Variants in GSAP observed in about 807,000 individuals in gnomAD.
GSAP encodes the protein gamma-secretase activating protein.
In GSAP, 118 loss-of-function variants were observed where a neutral mutation model predicts 131.7. The observed-to-expected ratio is 0.90, with a 90% CI of 0.77 to 1.04. GSAP has a LOEUF of 1.04. Among genes scored for constraint, GSAP ranks in the 50% least tolerant of loss-of-function variants. The probability of loss-of-function intolerance (pLI) is 0.00; values close to 1 mark genes in which losing one functional copy is unlikely to be tolerated. For synonymous variants in GSAP, 381 were observed against 363.4 expected, an observed-to-expected ratio of 1.05 and a Z score of -0.55; for missense variants, 1,019 against 1,013.2, an observed-to-expected ratio of 1.01 and a Z score of -0.08.
rs1489270412 is a variant in GSAP, at chr7:77,337,214, A to G, written c.1546-6847T>C. Among the ~76,000 whole-genome samples the G allele has an allele frequency of 3.0e-5, 4 of 134,160 alleles. No homozygotes were observed. The Admixed American group carries it at 3.6e-4, about 12-fold the overall frequency. 88.0% of individuals were successfully genotyped at this position (134,160 alleles called of 152,430 possible). On this transcript the variant is annotated intron_variant, in intron 19 of 30. Transcript: ENST00000257626. ...GTCGCCCAAGCTGGAGTGCAGTGGC[A>G]CTATCTTGGCTCACTACAACCTCCA...
At chr7:77,353,789 GA>G in intron 16 of GSAP, 148 bp from the exon 17 acceptor site, 1 of 534,164 alleles carries the variant, frequency 1.9e-6, no homozygotes, top group South Asian at 2.7e-5. Context: ...CTATCTTCAA[GA>G]TACATAATGC....
intron 19 of GSAP, among the ~76,000 whole-genome samples, chr7:77,343,558 C>T (rs1459698164): frequency 6.6e-6 from 1 of 152,198 alleles, no homozygotes; most frequent in Non-Finnish European, 1.5e-5. Context: ...ACTGCAAAGG[C>T]CATCAAAAGG....
chr7:77,329,702 G>A (rs912369432), intron 20 of GSAP: 10 of 187,392 alleles, frequency 5.3e-5, no homozygotes, highest in African/African-American at 2.3e-4. Flanking sequence ...CCTAACTAGA[G>A]CACAATATCA....
intron 6 of GSAP, among the ~76,000 whole-genome samples, chr7:77,383,567 A>ACC: frequency 6.6e-6 from 1 of 152,146 alleles, no homozygotes; most frequent in Middle Eastern, 3.4e-3. Flanking sequence ...GCTTAAATCC[A>ACC]CCCCATTCCT....
At chr7:77,341,799 G>A (rs1429336323) in intron 19 of GSAP, among the ~76,000 whole-genome samples, 1 of 152,182 alleles carries the variant, frequency 6.6e-6, no homozygotes, top group East Asian at 1.9e-4. Flanking sequence ...CCTTCAAGAT[G>A]TACAATAATA....
chr7:77,382,873 T>C (rs541574717), intron 6 of GSAP, among the ~76,000 whole-genome samples: 2 of 152,224 alleles, frequency 1.3e-5, no homozygotes, highest in Non-Finnish European at 2.9e-5. Flanking sequence ...AATACAACAC[T>C]ATCTTCACTT....
rs761555257 is a variant in GSAP, at chr7:77,382,645, T to C, written c.457-2A>G. ...ACTTTCAATATGTGGGTAGAGAAACTGTAAAAAAGAAATTAATCATAATTG... is the reference window on the plus strand; with the variant it reads ...ACTTTCAATATGTGGGTAGAGAAACCGTAAAAAAGAAATTAATCATAATTG... On this transcript the variant is annotated splice_acceptor_variant, in intron 6 of 30. Coordinates refer to ENST00000257626, the MANE Select transcript of GSAP (RefSeq NM_017439.4). LOFTEE classifies it high-confidence loss of function. The C allele has an allele frequency of 2.7e-6, 4 of 1,501,144 alleles. No homozygotes were observed. Among genetic ancestry groups the C allele is most frequent in the East Asian group, 2.3e-5 (1 of 44,400 alleles). The allele number at this position is 1,501,144 out of a possible 1,614,324, so 93.0% of individuals were successfully genotyped here. A position where few individuals can be genotyped will look rare whatever the true frequency, so the allele number is the denominator to read the frequency against.
chr7:77,356,881 G>C (rs906382262), intron 14 of GSAP, among the ~76,000 whole-genome samples: 7 of 152,314 alleles, frequency 4.6e-5, no homozygotes, highest in Middle Eastern at 3.4e-3. Context: ...AGAGGATATA[G>C]AACTCAAACC....
chr7:77,362,727 A>C, intron 12 of GSAP, 67 bp from the exon 13 acceptor site: 1 of 847,040 alleles, frequency 1.2e-6, no homozygotes, highest in Non-Finnish European at 2.0e-6. Context: ...TTCCTAAACC[A>C]CTTAAACTTA....
chr7:77,365,708 C>A lies in GSAP; in HGVS notation c.872-3048G>T, dbSNP rs559809382. The stretch of plus-strand genomic sequence containing the variant: ...GCAATTGACATTTGCATACGTATAT[C>A]TTTATGGTAGAATGATTTTTATTCC... On this transcript the variant is annotated intron_variant, in intron 12 of 30. Transcript: ENST00000257626. Among the ~76,000 whole-genome samples, 4 of 152,182 alleles carry A rather than the reference C, an allele frequency of 2.6e-5. No individual in the cohort carries two copies. In the East Asian group the frequency reaches 7.7e-4, roughly 29 times the overall value.
chr7:77,382,182 T>C (rs1797901858), intron 7 of GSAP, among the ~76,000 whole-genome samples: 2 of 152,136 alleles, frequency 1.3e-5, no homozygotes, highest in South Asian at 2.1e-4. Context: ...GGGATTCTTC[T>C]AGCTACTAAA....
intron 8 of GSAP, among the ~76,000 whole-genome samples, chr7:77,379,053 C>A (rs187168522): frequency 5.1e-4 from 77 of 152,200 alleles, no homozygotes; most frequent in African/African-American, 1.6e-3. Context: ...TATATTTAGA[C>A]AAGAGGAAAG....
chr7:77,312,188 C>G lies in GSAP; in HGVS notation c.2286G>C (p.Lys762Asn). ...TAGGATGATCCCAAAGTCTACAAATCTTCTGCCCAATAAGCTATTATGCAA... is the reference window on the plus strand; with the variant it reads ...TAGGATGATCCCAAAGTCTACAAATGTTCTGCCCAATAAGCTATTATGCAA... ...IVRLPPLIGQ[K>N]ICRLWDHPMS... The change falls in exon 29 of 31, where the codon AAG becomes AAC. Residue 762 changes from lysine to asparagine, a missense_variant. Physicochemically the swap from Lys to Asn is moderately conservative, Grantham distance 94. Coordinates refer to ENST00000257626, the MANE Select transcript of GSAP (RefSeq NM_017439.4). 6.3e-7 allele frequency: 1 copy of G among 1,592,564 alleles called. No homozygotes were observed. Among genetic ancestry groups the G allele is most frequent in the Non-Finnish European group, 8.5e-7 (1 of 1,170,654 alleles).
intron 3 of GSAP, among the ~76,000 whole-genome samples, chr7:77,403,403 T>C (rs536200228): frequency 6.6e-6 from 1 of 152,290 alleles, no homozygotes; most frequent in African/African-American, 2.4e-5. Flanking sequence ...AAGAGTAAGG[T>C]GACCTGTAAA....
chr7:77,311,461 TG>T lies in GSAP; in HGVS notation c.2474-13del. On this transcript the variant is annotated splice_polypyrimidine_tract_variant and intron_variant, in intron 30 of 30. Transcript: ENST00000257626. ...AAAAGGATACAGGGCTGGAAAAAAATGGGGAGAGGGCAGGGAAAAAGGGTTA... is the reference window on the plus strand; with the variant it reads ...AAAAGGATACAGGGCTGGAAAAAAATGGGAGAGGGCAGGGAAAAAGGGTTA... 1 of 1,506,084 alleles carries T rather than the reference TG, an allele frequency of 6.6e-7. No individual in the cohort carries two copies. Among genetic ancestry groups the T allele is most frequent in the Non-Finnish European group, 9.2e-7 (1 of 1,082,878 alleles). The allele number at this position is 1,506,084 out of a possible 1,614,324, so 93.3% of individuals were successfully genotyped here.
intron 7 of GSAP, among the ~76,000 whole-genome samples, chr7:77,381,948 G>C (rs1797869918): frequency 6.6e-6 from 1 of 150,724 alleles, no homozygotes; most frequent in East Asian, 2.0e-4. Context: ...CTTAGAGACT[G>C]AACAAAGCCT....
intron 1 of GSAP, among the ~76,000 whole-genome samples, chr7:77,407,753 C>T (rs1802548454): frequency 6.6e-6 from 1 of 152,092 alleles, no homozygotes; most frequent in Admixed American, 6.5e-5. Context: ...TCAGCAACTG[C>T]ACTTGTACAT....
intron 19 of GSAP, 107 bp downstream of exon 19, chr7:77,349,244 T>A: frequency 4.9e-6 from 4 of 822,852 alleles, no homozygotes; most frequent in Non-Finnish European, 8.3e-6. Flanking sequence ...TGCCTTGCCC[T>A]CCCCTCCCCT....
At chr7:77,399,587 A>G (rs1800982918) in intron 3 of GSAP, among the ~76,000 whole-genome samples, 1 of 152,038 alleles carries the variant, frequency 6.6e-6, no homozygotes, top group Admixed American at 6.6e-5. Flanking sequence ...GAGGAAGGAA[A>G]GCTATTGGGA....
Sources: gnomAD v4.1 joint callset for allele counts (sites outside exome capture counted in the v4.1 genomes callset) on GRCh38, gnomAD v4.1.1 for gene constraint, MANE v1.5 for transcripts, NCBI Gene and HGNC (gene_info 2026-07-23, HGNC 2026-07-21) for gene names.